Variants in ARHGAP27 observed in about 807,000 individuals in gnomAD.
ARHGAP27 encodes the protein Rho GTPase activating protein 27.
In ARHGAP27, 53 loss-of-function variants were observed where a neutral mutation model predicts 102.0. The ratio of observed to expected loss-of-function variants is 0.52; its 90% CI spans 0.42 to 0.65. The LOEUF (loss-of-function observed/expected upper bound fraction) is 0.65, where lower values mean the gene tolerates loss of function less well. ARHGAP27 is among the 30% of genes least tolerant of loss of function. ARHGAP27 has a pLI of 0.00. For synonymous variants in ARHGAP27, 525 were observed against 542.8 expected (o/e 0.97, Z 0.46); for missense variants, 1,117 against 1,256.2 (o/e 0.89, Z 1.68).
rs1597788806 is a variant in ARHGAP27, at chr17:45,403,688, G to A, written c.1569C>T (p.Ser523=). 1 of 1,613,522 alleles carries A rather than the reference G, an allele frequency of 6.2e-7. No homozygotes were observed. Among genetic ancestry groups the A allele is most frequent in the East Asian group, 2.2e-5 (1 of 44,902 alleles). ...KRLRKKHWSA[S]WTVLEGGVLT... ...GGACGCCACCCTCCAGCACAGTCCA[G>A]GAGGCACTCCAGTGCTTCTTCCTAG... Residue 523 remains serine, a synonymous_variant, in exon 11 of 20, where the codon TCC becomes TCT. Transcript: ENST00000685559.
chr17:45,404,532 G>A lies in ARHGAP27; in HGVS notation c.1330-4C>T. On this transcript the variant is annotated splice_region_variant and splice_polypyrimidine_tract_variant and intron_variant, in intron 7 of 19. Coordinates refer to ENST00000685559, the MANE Select transcript of ARHGAP27 (RefSeq NM_001282290.2). ...TTCGAGGGGCAGGGACAGGGACCTG[G>A]GGAGAAAGACACAGTCGTATATGAT... The A allele has an allele frequency of 6.2e-7, 1 of 1,613,268 alleles. No individual in the cohort carries two copies. The highest frequency in any genetic ancestry group is 8.5e-7 in the Non-Finnish European group (1 of 1,179,710).
chr17:45,406,944 G>A (rs1309832367), intron 4 of ARHGAP27, among the ~76,000 whole-genome samples: 1 of 152,178 alleles, frequency 6.6e-6, no homozygotes, highest in Non-Finnish European at 1.5e-5. Context: ...AGAATGGAGG[G>A]GCAAAGAGAG....
chr17:45,423,470 C>T (rs949325309), intron 4 of ARHGAP27, among the ~76,000 whole-genome samples: 1 of 152,196 alleles, frequency 6.6e-6, no homozygotes, highest in Non-Finnish European at 1.5e-5. Flanking sequence ...AGAAACCTTT[C>T]GAATTCAACT....
At chr17:45,415,166 T>C (rs1287499232) in intron 4 of ARHGAP27, among the ~76,000 whole-genome samples, 1 of 152,066 alleles carries the variant, frequency 6.6e-6, no homozygotes, top group South Asian at 2.1e-4. Context: ...CCAACTTCTC[T>C]GTTCCCTCAC....
At chr17:45,407,276 C>T (rs2047292710) in intron 4 of ARHGAP27, among the ~76,000 whole-genome samples, 1 of 152,090 alleles carries the variant, frequency 6.6e-6, no homozygotes, top group Non-Finnish European at 1.5e-5. Flanking sequence ...CTGCAGCCTG[C>T]CCAGGCCCAT....
At chr17:45,426,859 G>A (rs912888777) in intron 4 of ARHGAP27, among the ~76,000 whole-genome samples, 8 of 152,222 alleles carry the variant, frequency 5.3e-5, no homozygotes, top group Middle Eastern at 3.4e-3. Context: ...AGCGTCTAGT[G>A]GTCACTTAGG....
At chr17:45,419,680 C>T (rs760947630) in intron 4 of ARHGAP27, among the ~76,000 whole-genome samples, 1 of 149,766 alleles carries the variant, frequency 6.7e-6, no homozygotes, top group African/African-American at 2.5e-5. Context: ...AGTCAAAAGA[C>T]AACTCAGGGT....
Position 45,395,428 on chromosome 17 carries a change from G to GGCCGCC in ARHGAP27, c.*22_*27dup. On this transcript the variant is annotated 3_prime_UTR_variant, in exon 20 of 20. Transcript: ENST00000685559. The stretch of plus-strand genomic sequence containing the variant: ...CGCCCAGCTTGTGTGGCAGGACCGC[G>GGCCGCC]GCCGCCGCCCCAGTCACAGGCCAGC... The GGCCGCC allele has an allele frequency of 6.5e-7, 1 of 1,538,076 alleles. No individual in the cohort carries two copies. The highest frequency in any genetic ancestry group is 1.2e-5 in the South Asian group (1 of 82,646).
Position 45,396,208 on chromosome 17 carries a change from G to C in ARHGAP27, c.2250C>G (p.His750Gln), listed in dbSNP as rs1206642345. 1 of 1,610,010 alleles carries C rather than the reference G, an allele frequency of 6.2e-7. No homozygotes were observed. The highest frequency in any genetic ancestry group is 8.5e-7 in the Non-Finnish European group (1 of 1,177,546). Residue 750 changes from histidine (H) to glutamine (Q), a missense_variant and splice_region_variant, in exon 17 of 20, where the codon CAC becomes CAG. Physicochemically the swap from His to Gln is conservative, Grantham distance 24. Coordinates refer to ENST00000685559, the MANE Select transcript of ARHGAP27 (RefSeq NM_001282290.2). ...TIQKLRYKVDHDERLDLDDGR... is the reference protein window; with the variant it reads ...TIQKLRYKVDQDERLDLDDGR... ...GCAGGGGTTGGGGACGGGCCTCACC[G>C]TGGTCCACCTTATAGCGTAGCTTCT...
chr17:45,419,522 A>G (rs1421717772), intron 4 of ARHGAP27, among the ~76,000 whole-genome samples: 378 of 18,370 alleles, frequency 0.021, 1 homozygote, highest in African/African-American at 0.043. Flanking sequence ...GTATATATAT[A>G]TATATATATA....
chr17:45,414,844 G>A (rs1487534372), intron 4 of ARHGAP27, among the ~76,000 whole-genome samples: 2 of 37,662 alleles, frequency 5.3e-5, no homozygotes, highest in Non-Finnish European at 1.0e-4. Flanking sequence ...ATCGCTTGAG[G>A]TCAGGAGTTC....
At chr17:45,431,385 C>T (rs2050049987) in intron 3 of ARHGAP27, among the ~76,000 whole-genome samples, 2 of 152,238 alleles carry the variant, frequency 1.3e-5, no homozygotes, top group South Asian at 2.1e-4. Flanking sequence ...GGCCCGGACC[C>T]GGGGCCAGGA....
intron 4 of ARHGAP27, among the ~76,000 whole-genome samples, chr17:45,418,453 G>C (rs916090749): frequency 5.9e-5 from 9 of 151,896 alleles, no homozygotes; most frequent in Admixed American, 3.9e-4. Context: ...CTGGGTGACA[G>C]AGCGAGACCC....
At position 45,405,909 on chromosome 17, in the gene ARHGAP27, G is replaced by C; in HGVS notation, c.832C>G (p.Pro278Ala). The C allele has an allele frequency of 6.5e-7, 1 of 1,535,992 alleles. No individual in the cohort carries two copies. Among genetic ancestry groups the C allele is most frequent in the Non-Finnish European group, 8.7e-7 (1 of 1,146,828 alleles). Residue 278 changes from proline to alanine, a missense_variant, in exon 5 of 20, where the codon CCC becomes GCC. Pro to Ala is a conservative substitution (Grantham distance 27). This residue lies in a region of ARHGAP27 where 610 missense variants were observed against 716.4 expected (regional missense o/e 0.85). Transcript: ENST00000685559. ...GCGGCACCCTCGGCAGCCTCAAAGGGCGACTCCCAGGTGGTAACTCCCGTG... is the reference window on the plus strand; with the variant it reads ...GCGGCACCCTCGGCAGCCTCAAAGGCCGACTCCCAGGTGGTAACTCCCGTG... ...PDTGVTTWES[P>A]FEAAEGAASP...
At position 45,395,642 on chromosome 17, in the gene ARHGAP27, G is replaced by A. The variant is rs2045514497; in HGVS notation, c.2493-9C>T. The A allele has an allele frequency of 2.5e-6, 4 of 1,596,692 alleles. No individual in the cohort carries two copies. Among genetic ancestry groups the A allele is most frequent in the African/African-American group, 1.3e-5 (1 of 74,764 alleles). On this transcript the variant is annotated splice_polypyrimidine_tract_variant and intron_variant, in intron 19 of 19. Transcript: ENST00000685559. ...CGCCGTGCTCGATCACCCTGTGGCAGGGGTGGGTGGGTTCAGGGCTCCGAA... is the reference window on the plus strand; with the variant it reads ...CGCCGTGCTCGATCACCCTGTGGCAAGGGTGGGTGGGTTCAGGGCTCCGAA...
chr17:45,431,677 C>G lies in ARHGAP27; in HGVS notation c.-75G>C, dbSNP rs1182861948. ...GCTGGGTGGGCGGAGCCGGCGGTGG[C>G]TGCAGGTTAGGCCCCTACCATCGCC... On this transcript the variant is annotated 5_prime_UTR_variant, in exon 3 of 20. Coordinates refer to ENST00000685559, the MANE Select transcript of ARHGAP27 (RefSeq NM_001282290.2). 3 of 177,134 alleles carry G rather than the reference C, an allele frequency of 1.7e-5. No individual in the cohort carries two copies. Among genetic ancestry groups the G allele is most frequent in the Non-Finnish European group, 2.4e-5 (2 of 83,600 alleles). The allele number at this position is 177,134 out of a possible 1,614,324, so 11.0% of individuals were successfully genotyped here. A position where few individuals can be genotyped will look rare whatever the true frequency, so the allele number is the denominator to read the frequency against.
rs138416055 is a variant in ARHGAP27 at position 45,397,954 on chromosome 17, C to T, written c.1837G>A (p.Glu613Lys). ...AGGCCCTGGGCTCTGCTTACCAGCT[C>T]CTGGATGCCCTGAGCAATGGCCTTA... is the stretch of plus-strand genomic sequence containing the variant. ...WHKAIAQGIQ[E>K]LSAELPPEES... Residue 613 changes from glutamate to lysine, a missense_variant, in exon 13 of 20, where the codon GAG becomes AAG. Physicochemically the swap from Glu to Lys is moderately conservative, Grantham distance 56. Around this residue, in one of 3 missense-constraint regions of ARHGAP27, gnomAD observed 493 missense variants for 505.5 expected, o/e 0.98. Coordinates refer to ENST00000685559, the MANE Select transcript of ARHGAP27 (RefSeq NM_001282290.2). 4.0e-5 allele frequency: 64 copies of T among 1,605,900 alleles called. No individual in the cohort carries two copies. In the African/African-American group the frequency reaches 7.7e-4, roughly 19 times the overall value.
intron 4 of ARHGAP27, among the ~76,000 whole-genome samples, chr17:45,412,365 A>G (rs1048526037): frequency 6.6e-6 from 1 of 152,214 alleles, no homozygotes; most frequent in Admixed American, 6.5e-5. Flanking sequence ...GAGAGGTTCT[A>G]GAACAAACCA....
intron 4 of ARHGAP27, among the ~76,000 whole-genome samples, chr17:45,419,848 A>G (rs2048868052): frequency 6.6e-6 from 1 of 152,156 alleles, no homozygotes; most frequent in South Asian, 2.1e-4. Context: ...AAGGGGGGGA[A>G]CAAACAGCCC....
Sources: gnomAD v4.1 joint callset for allele counts (sites outside exome capture counted in the v4.1 genomes callset) on GRCh38, gnomAD v4.1.1 for gene constraint, gnomAD v4.1.1 regional missense constraint, MANE v1.5 for transcripts, NCBI Gene and HGNC (gene_info 2026-07-23, HGNC 2026-07-21) for gene names.